The following SLC10A7 variants were observed in gnomAD, a reference collection of about 807,000 sequenced individuals.
SLC10A7 encodes the protein sodium/bile acid cotransporter 7.
SLC10A7 carries 29 observed loss-of-function variants against 43.2 expected under a neutral mutation model. The ratio of observed to expected loss-of-function variants is 0.67; its 90% CI spans 0.50 to 0.92. The LOEUF (loss-of-function observed/expected upper bound fraction) is 0.92. SLC10A7 is among the 40% of genes least tolerant of loss of function. The pLI is 0.00. For missense variants in SLC10A7, 295 were observed against 403.2 expected (o/e 0.73, Z 2.30); for synonymous variants, 152 against 144.8 (o/e 1.05, Z -0.35).
intron 4 of SLC10A7, among the ~76,000 whole-genome samples, chr4:146,497,792 AT>A (rs1187027270): frequency 2.6e-5 from 4 of 151,862 alleles, no homozygotes; most frequent in Non-Finnish European, 2.9e-5. Flanking sequence ...GTTTCTTTAA[AT>A]TTTTTTTTCT....
At chr4:146,310,142 G>A (rs562458864) in intron 6 of SLC10A7, among the ~76,000 whole-genome samples, 1 of 152,212 alleles carries the variant, frequency 6.6e-6, no homozygotes, top group East Asian at 1.9e-4. Context: ...TGCTGCAAAG[G>A]ACATGATTTT....
chr4:146,355,710 T>C (rs1735541522), intron 5 of SLC10A7, among the ~76,000 whole-genome samples: 1 of 151,500 alleles, frequency 6.6e-6, no homozygotes, highest in Non-Finnish European at 1.5e-5. Context: ...CATGCAGCCA[T>C]AAAAAATGAT....
chr4:146,430,120 A>G (rs1729663676), intron 5 of SLC10A7, among the ~76,000 whole-genome samples: 1 of 150,864 alleles, frequency 6.6e-6, no homozygotes, highest in Admixed American at 6.6e-5. Context: ...TGAGCCATAA[A>G]AGAAAAAAAA....
At chr4:146,374,230 G>T (rs1447591026) in intron 5 of SLC10A7, among the ~76,000 whole-genome samples, 2 of 152,114 alleles carry the variant, frequency 1.3e-5, no homozygotes, top group African/African-American at 4.8e-5. Context: ...ACATATAAGG[G>T]ATCTAGCACA....
At chr4:146,506,275 C>T (rs1736885891) in intron 3 of SLC10A7, among the ~76,000 whole-genome samples, 1 of 152,174 alleles carries the variant, frequency 6.6e-6, no homozygotes. Flanking sequence ...AAAAAATTTG[C>T]CAACTATATA....
intron 5 of SLC10A7, among the ~76,000 whole-genome samples, chr4:146,396,144 C>G (rs1738808550): frequency 6.6e-6 from 1 of 152,098 alleles, no homozygotes; most frequent in African/African-American, 2.4e-5. Context: ...TAACTAGATT[C>G]TGGTATCATT....
intron 9 of SLC10A7, among the ~76,000 whole-genome samples, chr4:146,283,808 C>T (rs1303006966): frequency 6.6e-6 from 1 of 152,026 alleles, no homozygotes; most frequent in East Asian, 1.9e-4. Context: ...CCCCAAAAGG[C>T]AAGTGATGTA....
At chr4:146,333,265 T>G (rs1733658563) in intron 5 of SLC10A7, among the ~76,000 whole-genome samples, 1 of 152,172 alleles carries the variant, frequency 6.6e-6, no homozygotes, top group Admixed American at 6.5e-5. Context: ...GCCTATTATC[T>G]TTTCAGATTT....
intron 9 of SLC10A7, among the ~76,000 whole-genome samples, chr4:146,289,241 A>G (rs1333025084): frequency 6.6e-6 from 1 of 152,178 alleles, no homozygotes; most frequent in Non-Finnish European, 1.5e-5. Context: ...GATCATCGCC[A>G]TCTTCCTTGC....
At chr4:146,287,683 A>G (rs1378106663) in intron 9 of SLC10A7, among the ~76,000 whole-genome samples, 5 of 152,224 alleles carry the variant, frequency 3.3e-5, no homozygotes, top group Non-Finnish European at 7.3e-5. Flanking sequence ...ATTGTAGAAC[A>G]TGTAATGTGA....
intron 9 of SLC10A7, among the ~76,000 whole-genome samples, chr4:146,285,102 C>T (rs1009464494): frequency 2.6e-5 from 4 of 151,982 alleles, no homozygotes; most frequent in Non-Finnish European, 4.4e-5. Context: ...GGGCAGTTGG[C>T]AAAGAACAGA....
chr4:146,305,360 G>A (rs904132844), intron 7 of SLC10A7, among the ~76,000 whole-genome samples: 7 of 149,088 alleles, frequency 4.7e-5, no homozygotes, highest in African/African-American at 1.7e-4. Flanking sequence ...TCACTCATAG[G>A]TGGGAATTGA....
In SLC10A7 at chr4:146,322,668, A is replaced by G. The variant is rs886070313; in HGVS notation, c.471+3293T>C. On this transcript the variant is annotated intron_variant, in intron 6 of 11. Coordinates refer to ENST00000335472, the MANE Select transcript of SLC10A7 (RefSeq NM_001029998.6). ...CCAAGTCTTTGCTATTGTGAATAGT[A>G]CCACAATAAACATACGTGTGCATGT... Among the ~76,000 whole-genome samples the G allele has an allele frequency of 2.0e-5, 3 of 152,038 alleles. No homozygotes were observed. In the South Asian group the frequency reaches 6.2e-4, roughly 32 times the overall value.
intron 4 of SLC10A7, among the ~76,000 whole-genome samples, chr4:146,462,584 A>G (rs1183744878): frequency 1.3e-5 from 2 of 152,212 alleles, no homozygotes; most frequent in Admixed American, 1.3e-4. Flanking sequence ...AAAAATACAC[A>G]GCATGGAAAT....
At chr4:146,332,976 C>G (rs1733637023) in intron 5 of SLC10A7, among the ~76,000 whole-genome samples, 1 of 152,144 alleles carries the variant, frequency 6.6e-6, no homozygotes, top group South Asian at 2.1e-4. Context: ...GCTGGCTTGT[C>G]CTAACGACAT....
At chr4:146,392,173 G>T (rs1386843115) in intron 5 of SLC10A7, among the ~76,000 whole-genome samples, 1 of 152,134 alleles carries the variant, frequency 6.6e-6, no homozygotes, top group Non-Finnish European at 1.5e-5. Flanking sequence ...GGACTCTGTT[G>T]TATCTCTATA....
chr4:146,409,763 T>A (rs1223002215), intron 5 of SLC10A7, among the ~76,000 whole-genome samples: 1 of 152,174 alleles, frequency 6.6e-6, no homozygotes, highest in Non-Finnish European at 1.5e-5. Flanking sequence ...ATTACATAAA[T>A]TTTTAAGCTA....
At chr4:146,300,386 A>C (rs533191159) in intron 7 of SLC10A7, among the ~76,000 whole-genome samples, 1 of 152,236 alleles carries the variant, frequency 6.6e-6, no homozygotes, top group Non-Finnish European at 1.5e-5. Flanking sequence ...ATTCAAACCT[A>C]TGATGCCTAT....
chr4:146,515,730 T>A (rs1737888645), intron 2 of SLC10A7, among the ~76,000 whole-genome samples: 1 of 151,892 alleles, frequency 6.6e-6, no homozygotes, highest in African/African-American at 2.4e-5. Flanking sequence ...GCCAATGTAG[T>A]GAAACCCCAC....
Sources: gnomAD v4.1 joint callset for allele counts (sites outside exome capture counted in the v4.1 genomes callset) on GRCh38, gnomAD v4.1.1 for gene constraint, MANE v1.5 for transcripts, NCBI Gene and HGNC (gene_info 2026-07-23, HGNC 2026-07-21) for gene names.